LNPEP: variants seen among roughly 807,000 people sequenced by gnomAD.
The protein encoded by LNPEP is leucyl-cystinyl aminopeptidase.
A neutral mutation model predicts 120.6 loss-of-function variants in LNPEP; 64 were observed. That is an observed-to-expected ratio of 0.53 (90% CI 0.43 to 0.65). The LOEUF (loss-of-function observed/expected upper bound fraction) is 0.65. Among genes scored for constraint, LNPEP ranks in the 30% least tolerant of loss-of-function variants. LNPEP has a pLI of 0.00. For synonymous variants in LNPEP, 435 were observed against 425.4 expected (o/e 1.02, Z -0.28); for missense variants, 1,057 against 1,200.0 (o/e 0.88, Z 1.76).
At position 97,026,018 on chromosome 5, in the gene LNPEP, C is replaced by T. The variant is rs80301720; in HGVS notation, c.2724-599C>T. Reference sequence around the variant, plus strand: ...ATGAGAACTGCTTTTGTTCAGATGTCGGGCTTTGGTATTTATTACTGTGTG... The same window carrying T: ...ATGAGAACTGCTTTTGTTCAGATGTTGGGCTTTGGTATTTATTACTGTGTG... On this transcript the variant is annotated intron_variant, in intron 15 of 17. Transcript: ENST00000231368. 3.1e-3 allele frequency among the ~76,000 whole-genome samples: 478 copies of T among 152,122 alleles called. 4 individuals carry two copies. Among genetic ancestry groups the T allele is most frequent in the African/African-American group, 0.011 (466 of 41,470 alleles).
At chr5:97,021,250 C>T (rs551405744) in intron 13 of LNPEP, among the ~76,000 whole-genome samples, 30 of 151,974 alleles carry the variant, frequency 2.0e-4, no homozygotes, top group South Asian at 8.3e-4. Context: ...AACATGTGTG[C>T]GTATGTGTGT....
intron 11 of LNPEP, among the ~76,000 whole-genome samples, chr5:97,007,731 C>G (rs1468442943): frequency 2.6e-5 from 4 of 151,988 alleles, no homozygotes; most frequent in Non-Finnish European, 5.9e-5. Flanking sequence ...TTGACTTAAC[C>G]TACTTGATTC....
At chr5:96,998,910 A>T (rs1715327946) in intron 8 of LNPEP, among the ~76,000 whole-genome samples, 1 of 152,184 alleles carries the variant, frequency 6.6e-6, no homozygotes, top group South Asian at 2.1e-4. Flanking sequence ...TAATTAAAAT[A>T]TAGGTAAAGA....
At chr5:96,940,546 A>G (rs1789026942) in intron 1 of LNPEP, among the ~76,000 whole-genome samples, 1 of 152,230 alleles carries the variant, frequency 6.6e-6, no homozygotes, top group Non-Finnish European at 1.5e-5. Context: ...GAAATATGGA[A>G]ACACAGAAGA....
chr5:97,030,189 AGTGT>A lies in LNPEP; in HGVS notation c.*1659_*1662del, dbSNP rs1582040945. On this transcript the variant is annotated 3_prime_UTR_variant, in exon 18 of 18. Transcript: ENST00000231368. ...TAAAAAAATAGTCTTCTTTAATCCT[AGTGT>A]GTTTTCCCCAATTTAGTCTTTTCTA... The A allele has an allele frequency of 1.3e-5, 2 of 152,030 alleles. No homozygotes were observed. The highest frequency in any genetic ancestry group is 4.8e-5 in the African/African-American group (2 of 41,436). The allele number at this position is 152,030 out of a possible 1,614,324, so 9.4% of individuals were successfully genotyped here.
At chr5:96,993,194 G>T in intron 5 of LNPEP, 59 bp downstream of exon 5, 2 of 1,313,632 alleles carry the variant, frequency 1.5e-6, no homozygotes, top group Non-Finnish European at 2.1e-6. Flanking sequence ...TTTATTTTGT[G>T]AATTTTTTTA....
Position 96,993,831 on chromosome 5 carries a change from C to A in LNPEP, c.1267C>A (p.Pro423Thr). 6.2e-7 allele frequency: 1 copy of A among 1,613,640 alleles called. No individual in the cohort carries two copies. Among genetic ancestry groups the A allele is most frequent in the Non-Finnish European group, 8.5e-7 (1 of 1,179,682 alleles). Residue 423 changes from proline to threonine, a missense_variant, in exon 6 of 18, where the codon CCT becomes ACT. Physicochemically the swap from Pro to Thr is conservative, Grantham distance 38 (BLOSUM62 -1). Transcript: ENST00000231368. ...GTTATGTCCAGATTTGGTGGCTATT[C>A]CTGACTTTGAAGCAGGAGCAATGGA... Reference protein sequence around the residue: ...PLKKLDLVAIPDFEAGAMENW... With the variant: ...PLKKLDLVAITDFEAGAMENW...
intron 14 of LNPEP, 29 bp from the exon 15 acceptor site, chr5:97,024,492 A>G: frequency 6.2e-7 from 1 of 1,601,710 alleles, no homozygotes; most frequent in African/African-American, 1.3e-5. Context: ...TTTTCTTGTT[A>G]TTCTCATGTT....
chr5:96,959,726 A>T (rs1257149966), intron 1 of LNPEP, among the ~76,000 whole-genome samples: 1 of 152,140 alleles, frequency 6.6e-6, no homozygotes, highest in Non-Finnish European at 1.5e-5. Context: ...TCCATCCTCT[A>T]TAGCTAATTC....
intron 1 of LNPEP, chr5:96,958,641 G>A (rs1223397870): frequency 1.1e-5 from 3 of 263,354 alleles, no homozygotes; most frequent in Non-Finnish European, 1.2e-5. Flanking sequence ...GGGCTAAAAC[G>A]AAGGAGTTGG....
intron 1 of LNPEP, among the ~76,000 whole-genome samples, chr5:96,976,062 C>G (rs1206805466): frequency 2.0e-5 from 3 of 152,084 alleles, no homozygotes; most frequent in Non-Finnish European, 4.4e-5. Context: ...TAAATCCCAT[C>G]GAGCAAGGGG....
At chr5:96,996,107 G>A (rs1790509228) in intron 6 of LNPEP, 1 of 232,146 alleles carries the variant, frequency 4.3e-6, no homozygotes, top group Admixed American at 5.7e-5. Context: ...ATGCTATATT[G>A]CATGTTTGTT....
chr5:97,000,333 T>C (rs1790617264), intron 8 of LNPEP, among the ~76,000 whole-genome samples: 1 of 152,168 alleles, frequency 6.6e-6, no homozygotes, highest in Admixed American at 6.5e-5. Flanking sequence ...ATAGTGCTTG[T>C]GTGCAGAAAA....
intron 1 of LNPEP, among the ~76,000 whole-genome samples, chr5:96,944,213 T>C (rs945464312): frequency 9.2e-5 from 14 of 152,250 alleles, no homozygotes; most frequent in Admixed American, 8.5e-4. Context: ...AAAACAGTTG[T>C]TAGTATATTC....
chr5:97,020,599 G>C (rs554753289), intron 13 of LNPEP, among the ~76,000 whole-genome samples: 1 of 152,088 alleles, frequency 6.6e-6, no homozygotes, highest in Non-Finnish European at 1.5e-5. Context: ...TCAGGAGATA[G>C]AGCCATCCTG....
intron 1 of LNPEP, among the ~76,000 whole-genome samples, chr5:96,963,767 A>G (rs1789661341): frequency 6.6e-6 from 1 of 152,166 alleles, no homozygotes; most frequent in African/African-American, 2.4e-5. Flanking sequence ...AATTTTTTAA[A>G]TTGACACATT....
At chr5:96,985,272 G>A (rs1306094311) in intron 3 of LNPEP, 54 bp downstream of exon 3, 1 of 1,469,416 alleles carries the variant, frequency 6.8e-7, no homozygotes, top group Non-Finnish European at 9.3e-7. Context: ...CTTTCTTTAA[G>A]AACACTTAAA....
rs3836860 is a variant in LNPEP at position 97,030,620 on chromosome 5, CTGTGTGTG to C, written c.*2129_*2136del. 0.04 allele frequency: 5,079 copies of C among 126,158 alleles called. 173 individuals carry two copies. Among genetic ancestry groups the C allele is most frequent in the East Asian group, 0.097 (432 of 4,442 alleles). 7.8% of individuals were successfully genotyped at this position (126,158 alleles called of 1,614,324 possible). A position where few individuals can be genotyped will look rare whatever the true frequency, so the allele number is the denominator to read the frequency against. ...CATTTCTCTCCCTCTCTCTCTCTCTCTGTGTGTGTGTGTGTGTGTGTGTGTGTGTGTGT... is the reference window on the plus strand; with the variant it reads ...CATTTCTCTCCCTCTCTCTCTCTCTCTGTGTGTGTGTGTGTGTGTGTGTGT... On this transcript the variant is annotated 3_prime_UTR_variant, in exon 18 of 18. Transcript: ENST00000231368.
chr5:96,953,542 C>T (rs979786809), intron 1 of LNPEP, among the ~76,000 whole-genome samples: 3 of 152,112 alleles, frequency 2.0e-5, no homozygotes, highest in Admixed American at 6.5e-5. Context: ...CTGTTTATGC[C>T]GTAGAATACA....
Sources: gnomAD v4.1 joint callset for allele counts (sites outside exome capture counted in the v4.1 genomes callset) on GRCh38, gnomAD v4.1.1 for gene constraint, MANE v1.5 for transcripts, NCBI Gene and HGNC (gene_info 2026-07-23, HGNC 2026-07-21) for gene names.